Variants in OPCML observed in about 807,000 individuals in gnomAD.
OPCML encodes the protein opioid binding protein/cell adhesion molecule like.
OPCML carries 13 observed loss-of-function variants against 37.8 expected under a neutral mutation model. The ratio of observed to expected loss-of-function variants is 0.34; its 90% CI spans 0.22 to 0.55. OPCML has a LOEUF of 0.55. Among genes scored for constraint, OPCML ranks in the 20% least tolerant of loss-of-function variants. The probability of loss-of-function intolerance (pLI) is 0.91; values close to 1 mark genes in which losing one functional copy is unlikely to be tolerated. For missense variants in OPCML, 341 were observed against 435.6 expected (o/e 0.78, Z 1.93); for synonymous variants, 176 against 168.8 (o/e 1.04, Z -0.33).
At chr11:133,358,046 G>C (rs1420608251) in intron 1 of OPCML, among the ~76,000 whole-genome samples, 3 of 152,118 alleles carry the variant, frequency 2.0e-5, no homozygotes, top group African/African-American at 7.2e-5. Context: ...CTTTCCAAAG[G>C]CATTCTGATC....
At chr11:132,491,611 G>A (rs904896155) in intron 4 of OPCML, among the ~76,000 whole-genome samples, 3 of 152,218 alleles carry the variant, frequency 2.0e-5, no homozygotes, top group Admixed American at 2.0e-4. Context: ...TTTATTCATA[G>A]CATTAATCAT....
chr11:132,939,438 T>C (rs952725647), intron 2 of OPCML, among the ~76,000 whole-genome samples: 3 of 152,182 alleles, frequency 2.0e-5, no homozygotes, highest in African/African-American at 7.2e-5. Context: ...CAAGCCTGGA[T>C]CAACAAAACT....
chr11:132,765,897 C>G (rs377263647), intron 2 of OPCML, among the ~76,000 whole-genome samples: 110 of 152,130 alleles, frequency 7.2e-4, no homozygotes, highest in Middle Eastern at 3.4e-3. Context: ...AAAGAGAAGG[C>G]AGAAGTGCGT....
chr11:132,579,119 A>AT, intron 3 of OPCML, among the ~76,000 whole-genome samples: 1 of 152,282 alleles, frequency 6.6e-6, no homozygotes, highest in East Asian at 1.9e-4. Context: ...GGAGGCCTAT[A>AT]TTAATCAAAC....
chr11:133,467,647 G>A (rs914035500), intron 1 of OPCML, among the ~76,000 whole-genome samples: 1 of 152,054 alleles, frequency 6.6e-6, no homozygotes, highest in African/African-American at 2.4e-5. Flanking sequence ...CTCATCAAGT[G>A]GTACCATTCT....
At chr11:133,305,989 G>A (rs898412062) in intron 1 of OPCML, among the ~76,000 whole-genome samples, 1 of 152,176 alleles carries the variant, frequency 6.6e-6, no homozygotes, top group Non-Finnish European at 1.5e-5. Context: ...CTGAAAGAAC[G>A]TCAGTGCTTT....
At chr11:132,911,606 C>T (rs1161399045) in intron 2 of OPCML, among the ~76,000 whole-genome samples, 1 of 152,200 alleles carries the variant, frequency 6.6e-6, no homozygotes, top group African/African-American at 2.4e-5. Context: ...CCAAGTGACT[C>T]TCCAGTCATA....
chr11:132,582,849 T>TTG (rs2096464924), intron 3 of OPCML, among the ~76,000 whole-genome samples: 1 of 14,424 alleles, frequency 6.9e-5, no homozygotes, highest in Non-Finnish European at 1.3e-4. Context: ...GTTTAAGGTT[T>TTG]TTTTTTTTTT....
chr11:133,376,148 C>T (rs1944798695), intron 1 of OPCML, among the ~76,000 whole-genome samples: 1 of 151,706 alleles, frequency 6.6e-6, no homozygotes, highest in African/African-American at 2.4e-5. Context: ...GAGTCAGATT[C>T]AGTAAGAGAT....
intron 1 of OPCML, among the ~76,000 whole-genome samples, chr11:133,486,038 T>G (rs1947519393): frequency 6.6e-6 from 1 of 152,214 alleles, no homozygotes; most frequent in Admixed American, 6.5e-5. Flanking sequence ...TTAGAGGATC[T>G]TTGTTTAAGC....
chr11:133,129,694 G>C (rs1319887443), intron 1 of OPCML, among the ~76,000 whole-genome samples: 1 of 152,090 alleles, frequency 6.6e-6, no homozygotes, highest in Non-Finnish European at 1.5e-5. Flanking sequence ...CTTGAGGCCA[G>C]GAGTGTGAGA....
intron 3 of OPCML, among the ~76,000 whole-genome samples, chr11:132,550,374 G>T (rs1031181715): frequency 1.3e-5 from 2 of 152,130 alleles, no homozygotes; most frequent in Non-Finnish European, 2.9e-5. Context: ...CCTCATGATA[G>T]TGAGTGAGTT....
intron 1 of OPCML, among the ~76,000 whole-genome samples, chr11:132,986,157 A>C (rs1413749856): frequency 1.3e-5 from 2 of 152,088 alleles, no homozygotes; most frequent in East Asian, 3.9e-4. Context: ...TACCCATAAA[A>C]CCTCCAGTCT....
intron 1 of OPCML, among the ~76,000 whole-genome samples, chr11:133,443,137 G>C (rs775632199): frequency 3.3e-5 from 5 of 152,166 alleles, no homozygotes; most frequent in Admixed American, 3.3e-4. Flanking sequence ...TATTGTAATA[G>C]TTGCATACCA....
intron 1 of OPCML, among the ~76,000 whole-genome samples, chr11:133,095,227 A>T (rs2137060037): frequency 6.6e-6 from 1 of 150,426 alleles, no homozygotes; most frequent in African/African-American, 2.5e-5. Flanking sequence ...TTCCAATAAA[A>T]TAGCCCTGTT....
chr11:133,322,727 G>A (rs1299264463), intron 1 of OPCML, among the ~76,000 whole-genome samples: 2 of 151,940 alleles, frequency 1.3e-5, no homozygotes, highest in South Asian at 2.1e-4. Context: ...ACACATTTTC[G>A]CATCCAATCC....
chr11:132,632,645 C>T (rs894468411), intron 3 of OPCML, among the ~76,000 whole-genome samples: 1 of 152,006 alleles, frequency 6.6e-6, no homozygotes, highest in Non-Finnish European at 1.5e-5. Flanking sequence ...TATATCTACT[C>T]CTTTTGGTCT....
Position 133,321,612 on chromosome 11 carries a change from T to A in OPCML, c.61+210652A>T, listed in dbSNP as rs569470541. On this transcript the variant is annotated intron_variant, in intron 1 of 7. Transcript: ENST00000524381. The stretch of plus-strand genomic sequence containing the variant: ...CTGGACAGGCATGTTACACTGCAAT[T>A]TGGGTTATGTCAAAAGCATAAAATC... 1.5e-3 allele frequency among the ~76,000 whole-genome samples: 233 copies of A among 152,238 alleles called. 1 individual carries two copies. The highest frequency in any genetic ancestry group is 5.5e-3 in the African/African-American group (227 of 41,544).
chr11:132,809,531 TAAC>T (rs1939207450), intron 2 of OPCML, among the ~76,000 whole-genome samples: 1 of 152,186 alleles, frequency 6.6e-6, no homozygotes, highest in African/African-American at 2.4e-5. Context: ...TTATAAATCT[TAAC>T]AACATTTTTA....
Sources: gnomAD v4.1 joint callset for allele counts (sites outside exome capture counted in the v4.1 genomes callset) on GRCh38, gnomAD v4.1.1 for gene constraint, MANE v1.5 for transcripts, NCBI Gene and HGNC (gene_info 2026-07-23, HGNC 2026-07-21) for gene names.